Variants in OR2L13 observed in about 807,000 individuals in gnomAD.
OR2L13 encodes the protein olfactory receptor family 2 subfamily L member 13.
Under a neutral mutation model 15.3 loss-of-function variants are expected in OR2L13, and 14 were observed. The ratio of observed to expected loss-of-function variants is 0.91; its 90% CI spans 0.60 to 1.43. OR2L13 has a LOEUF of 1.43. OR2L13 is among the 40% of genes most tolerant of loss of function. The probability of loss-of-function intolerance (pLI) is 0.00; values close to 1 mark genes in which losing one functional copy is unlikely to be tolerated. For missense variants in OR2L13, 367 were observed against 387.9 expected (o/e 0.95, Z 0.45); for synonymous variants, 152 against 142.9 (o/e 1.06, Z -0.45).
chr1:247,994,897 CTCAA>C, the OR2L13 span, among the ~76,000 whole-genome samples: 1 of 142,294 alleles, frequency 7.0e-6, no homozygotes, highest in Non-Finnish European at 1.5e-5. Flanking sequence ...AAAATCAACA[CTCAA>C]TCAGACTGAC....
At chr1:248,074,750 A>G in the OR2L13 span, among the ~76,000 whole-genome samples, 280 of 152,268 alleles carry the variant, frequency 1.8e-3, no homozygotes, top group Middle Eastern at 3.4e-3. Context: ...TGGATGACAG[A>G]ATTTGTACCC....
At chr1:248,004,586 A>G in the OR2L13 span, among the ~76,000 whole-genome samples, 1 of 152,226 alleles carries the variant, frequency 6.6e-6, no homozygotes, top group Non-Finnish European at 1.5e-5. Flanking sequence ...AGAGCTCGTC[A>G]GGGATTCTTA....
chr1:248,014,387 T>C, the OR2L13 span, among the ~76,000 whole-genome samples: 5 of 152,182 alleles, frequency 3.3e-5, no homozygotes, highest in African/African-American at 1.2e-4. Flanking sequence ...ATATGATTAG[T>C]AGCTATGCTA....
the OR2L13 span, among the ~76,000 whole-genome samples, chr1:248,083,344 C>T: frequency 6.6e-6 from 1 of 152,056 alleles, no homozygotes; most frequent in Non-Finnish European, 1.5e-5. Context: ...ATTTAACTTT[C>T]CATTGTTAAT....
chr1:248,053,134 A>G, the OR2L13 span, among the ~76,000 whole-genome samples: 1 of 151,974 alleles, frequency 6.6e-6, no homozygotes, highest in Non-Finnish European at 1.5e-5. Flanking sequence ...GGCCCCAGTA[A>G]GTGTTGTTCT....
the OR2L13 span, among the ~76,000 whole-genome samples, chr1:247,943,542 A>T: frequency 6.5e-3 from 982 of 152,228 alleles, 14 homozygotes; most frequent in African/African-American, 0.022. Flanking sequence ...ATGGTTCCAG[A>T]TTTACAATAA....
chr1:247,997,412 A>G, the OR2L13 span, among the ~76,000 whole-genome samples: 1 of 152,206 alleles, frequency 6.6e-6, no homozygotes, highest in Admixed American at 6.5e-5. Flanking sequence ...TTTCCAAATT[A>G]AAAGAAACAA....
chr1:248,003,693 G>T, the OR2L13 span: 13 of 1,612,830 alleles, frequency 8.1e-6, no homozygotes, highest in Non-Finnish European at 1.1e-5. Context: ...ACTCTGGCCT[G>T]CATGGACACC....
At chr1:248,065,112 T>C in the OR2L13 span, among the ~76,000 whole-genome samples, 1 of 152,236 alleles carries the variant, frequency 6.6e-6, no homozygotes, top group Non-Finnish European at 1.5e-5. Context: ...TAATTCCTCT[T>C]GGGGAAATTA....
the OR2L13 span, chr1:248,084,395 C>T: frequency 2.5e-6 from 4 of 1,612,892 alleles, no homozygotes; most frequent in Middle Eastern, 1.7e-4. Flanking sequence ...GCATCACGTC[C>T]ATGAGGGAGA....
At chr1:248,068,277 C>G in the OR2L13 span, among the ~76,000 whole-genome samples, 9 of 152,046 alleles carry the variant, frequency 5.9e-5, no homozygotes, top group Non-Finnish European at 1.2e-4. Context: ...CCTCACACGG[C>G]CGGGTACTCC....
the OR2L13 span, chr1:248,061,588 G>C: frequency 6.0e-5 from 97 of 1,612,810 alleles, no homozygotes; most frequent in African/African-American, 5.3e-4. Context: ...CCTGACACGA[G>C]TGAGTCAGAG....
chr1:248,040,479 C>T, the OR2L13 span: 1 of 152,276 alleles, frequency 6.6e-6, no homozygotes, highest in Admixed American at 6.5e-5. Flanking sequence ...CTCCACCACT[C>T]CTGAGACAAC....
the OR2L13 span, among the ~76,000 whole-genome samples, chr1:248,069,845 C>A: frequency 0.09 from 13,641 of 151,970 alleles, 814 homozygotes; most frequent in African/African-American, 0.17. Flanking sequence ...ATAAAACAGA[C>A]TTTAAACCAA....
chr1:248,021,711 T>A, the OR2L13 span, among the ~76,000 whole-genome samples: 1 of 152,242 alleles, frequency 6.6e-6, no homozygotes, highest in Non-Finnish European at 1.5e-5. Flanking sequence ...TATATAGTTA[T>A]AATTGTTCTA....
chr1:248,037,957 T>C, the OR2L13 span, among the ~76,000 whole-genome samples: 1 of 152,210 alleles, frequency 6.6e-6, no homozygotes, highest in Non-Finnish European at 1.5e-5. Context: ...AAATGAGCAC[T>C]TTTTCAATAT....
the OR2L13 span, among the ~76,000 whole-genome samples, chr1:247,939,833 C>T: frequency 6.5e-3 from 982 of 152,012 alleles, 40 homozygotes; most frequent in Admixed American, 0.057. Flanking sequence ...TTGTGGGTAC[C>T]GATTTCAATC....
the OR2L13 span, among the ~76,000 whole-genome samples, chr1:247,982,466 C>G: frequency 4.6e-5 from 7 of 152,158 alleles, no homozygotes; most frequent in African/African-American, 1.7e-4. Context: ...AAAAAGAGAT[C>G]TATGCAATGC....
chr1:247,950,353 G>A, the OR2L13 span, among the ~76,000 whole-genome samples: 126,684 of 152,120 alleles, frequency 0.83, 56,611 homozygotes, highest in Non-Finnish European at 0.98. Flanking sequence ...TGGATGGCCT[G>A]TGACAAGTTT....
Sources: allele counts gnomAD v4.1 joint callset (sites outside exome capture counted in the v4.1 genomes callset), GRCh38; gene constraint gnomAD v4.1.1; transcripts MANE v1.5; gene names NCBI Gene and HGNC (gene_info 2026-07-23, HGNC 2026-07-21).